FAM81B: variants seen among roughly 807,000 people sequenced by gnomAD.
FAM81B encodes protein FAM81B.
In FAM81B, 60 loss-of-function variants were observed where a neutral mutation model predicts 58.7. The observed-to-expected ratio is 1.02, with a 90% CI of 0.83 to 1.27. The LOEUF (loss-of-function observed/expected upper bound fraction) is 1.27. Among genes scored for constraint, FAM81B ranks in the 50% most tolerant of loss-of-function variants. FAM81B has a pLI of 0.00. For synonymous variants in FAM81B, 189 were observed against 179.6 expected (o/e 1.05, Z -0.42); for missense variants, 491 against 522.0 (o/e 0.94, Z 0.58).
intron 5 of FAM81B, among the ~76,000 whole-genome samples, chr5:95,427,617 A>G (rs535977762): frequency 3.3e-5 from 5 of 152,352 alleles, no homozygotes; most frequent in South Asian, 2.1e-4. Context: ...AAAGCAAACA[A>G]TATTTATATC....
chr5:95,407,168 T>C (rs1762269774), intron 3 of FAM81B, among the ~76,000 whole-genome samples: 1 of 152,078 alleles, frequency 6.6e-6, no homozygotes, highest in African/African-American at 2.4e-5. Flanking sequence ...AGTTGAAGTA[T>C]GTGGGATGGG....
chr5:95,427,338 G>T (rs1431607349), intron 5 of FAM81B, among the ~76,000 whole-genome samples: 1 of 152,120 alleles, frequency 6.6e-6, no homozygotes, highest in Non-Finnish European at 1.5e-5. Context: ...TATATGCAAA[G>T]GTGTAAAACA....
At chr5:95,409,175 C>T (rs369093121) in intron 3 of FAM81B, among the ~76,000 whole-genome samples, 11 of 151,936 alleles carry the variant, frequency 7.2e-5, no homozygotes, top group Non-Finnish European at 1.6e-4. Context: ...ATTTTGTTTT[C>T]TGAGATGGAG....
chr5:95,400,612 T>C (rs1226097606), intron 3 of FAM81B, among the ~76,000 whole-genome samples: 1 of 152,170 alleles, frequency 6.6e-6, no homozygotes, highest in Non-Finnish European at 1.5e-5. Context: ...CTGTTTCTTT[T>C]GGGGGGACAC....
At chr5:95,446,489 CAG>C (rs1211783358) in intron 7 of FAM81B, 71 bp from the exon 8 acceptor site, 10 of 1,382,728 alleles carry the variant, frequency 7.2e-6, no homozygotes, top group Non-Finnish European at 9.7e-6. Context: ...CAAAAAACTG[CAG>C]ACTTTTTCAA....
intron 5 of FAM81B, among the ~76,000 whole-genome samples, chr5:95,420,747 T>G (rs925694242): frequency 6.6e-6 from 1 of 152,178 alleles, no homozygotes. Flanking sequence ...AGTAAAACAT[T>G]TAAAATATAC....
intron 3 of FAM81B, among the ~76,000 whole-genome samples, chr5:95,397,694 G>T (rs934341367): frequency 1.3e-5 from 2 of 152,186 alleles, no homozygotes; most frequent in African/African-American, 4.8e-5. Context: ...CAAAGCAAAA[G>T]CATGATAAAG....
rs536607474 is a variant in FAM81B at position 95,429,195 on chromosome 5, A to G, written c.786+463A>G. Among the ~76,000 whole-genome samples the G allele has an allele frequency of 2.6e-5, 4 of 152,334 alleles. No homozygotes were observed. In the South Asian group the frequency reaches 8.3e-4, roughly 32 times the overall value. On this transcript the variant is annotated intron_variant, in intron 6 of 9. Coordinates refer to ENST00000283357, the MANE Select transcript of FAM81B (RefSeq NM_152548.3). ...AAGTCCTTTGGTTGGTCTGGATTTT[A>G]AAGGCCATCTGTGCTTCTTGACTCA...
chr5:95,415,114 T>C (rs1388938599), intron 4 of FAM81B, among the ~76,000 whole-genome samples: 4 of 152,206 alleles, frequency 2.6e-5, no homozygotes, highest in Non-Finnish European at 4.4e-5. Flanking sequence ...GAAAATTCTT[T>C]GTCTAAATCA....
At chr5:95,427,262 A>G (rs1054072586) in intron 5 of FAM81B, among the ~76,000 whole-genome samples, 74 of 152,114 alleles carry the variant, frequency 4.9e-4, no homozygotes, top group Admixed American at 4.8e-3. Context: ...GGGTCTTAAT[A>G]TGGACTCACA....
rs1242467718 is a variant in FAM81B at position 95,431,132 on chromosome 5, T to C, written c.786+2400T>C. 2.6e-5 allele frequency among the ~76,000 whole-genome samples: 4 copies of C among 152,120 alleles called. 1 individual carries two copies. Among genetic ancestry groups the C allele is most frequent in the African/African-American group, 9.6e-5 (4 of 41,456 alleles). ...ATTGCAAATGCATTTCCCCAGTTTGTCATAGGTCTTTGGTTTTTGACATGC... is the reference window on the plus strand; with the variant it reads ...ATTGCAAATGCATTTCCCCAGTTTGCCATAGGTCTTTGGTTTTTGACATGC... On this transcript the variant is annotated intron_variant, in intron 6 of 9. Transcript: ENST00000283357.
intron 3 of FAM81B, among the ~76,000 whole-genome samples, chr5:95,403,362 T>A (rs1762163144): frequency 6.6e-6 from 1 of 152,338 alleles, no homozygotes; most frequent in Admixed American, 6.5e-5. Flanking sequence ...AGGTATGGAC[T>A]AGAGTAAATG....
intron 7 of FAM81B, chr5:95,440,323 C>G: frequency 1.0e-6 from 1 of 976,306 alleles, no homozygotes; most frequent in Non-Finnish European, 1.6e-6. Context: ...AATGCAGAAC[C>G]ATTGATCAAT....
chr5:95,441,928 C>T (rs2152770028), intron 7 of FAM81B, among the ~76,000 whole-genome samples: 1 of 152,346 alleles, frequency 6.6e-6, no homozygotes, highest in South Asian at 2.1e-4. Context: ...GCAGGGGCAG[C>T]ACTTACCAGT....
At chr5:95,392,108 C>G (rs188465217) in intron 1 of FAM81B, among the ~76,000 whole-genome samples, 1 of 152,246 alleles carries the variant, frequency 6.6e-6, no homozygotes, top group Non-Finnish European at 1.5e-5. Flanking sequence ...AACCCAAATG[C>G]CCATCAATGA....
rs1458314638 is a variant in FAM81B at position 95,392,884 on chromosome 5, AC to A, written c.217del (p.Gln73LysfsTer5). Reference protein sequence around the residue: ...PDGPLPGSDNNQEKKVRLSPA... With the variant: ...PDGPLPGSDNXQEKKVRLSPA... ...GGCCCCCTTCCTGGCTCAGACAATA[AC>A]CAAGAAAAGAAAGCAAGTACTTTTC... On this transcript the variant is annotated frameshift_variant, in exon 2 of 10. Transcript: ENST00000283357. LOFTEE classifies it high-confidence loss of function. The A allele has an allele frequency of 1.9e-6, 3 of 1,606,608 alleles. No individual in the cohort carries two copies. Among genetic ancestry groups the A allele is most frequent in the Admixed American group, 1.7e-5 (1 of 57,842 alleles).
chr5:95,421,389 G>A (rs1762679624), intron 5 of FAM81B, among the ~76,000 whole-genome samples: 1 of 152,186 alleles, frequency 6.6e-6, no homozygotes. Context: ...CAATTTACCT[G>A]GAAGAATAAT....
At chr5:95,420,879 T>C (rs1762662865) in intron 5 of FAM81B, among the ~76,000 whole-genome samples, 1 of 152,194 alleles carries the variant, frequency 6.6e-6, no homozygotes, top group East Asian at 1.9e-4. Flanking sequence ...TATGTGTAGG[T>C]ATTGAGAATG....
intron 7 of FAM81B, among the ~76,000 whole-genome samples, chr5:95,445,462 T>C (rs535996137): frequency 2.0e-5 from 3 of 152,268 alleles, no homozygotes; most frequent in Non-Finnish European, 2.9e-5. Flanking sequence ...TAATTCAGAT[T>C]GGATTCCCCT....
Sources: allele counts gnomAD v4.1 joint callset (sites outside exome capture counted in the v4.1 genomes callset), GRCh38; gene constraint gnomAD v4.1.1; transcripts MANE v1.5; gene names NCBI Gene and HGNC (gene_info 2026-07-23, HGNC 2026-07-21).